TMEM178B: variants seen among roughly 807,000 people sequenced by gnomAD.
TMEM178B encodes the protein transmembrane protein 178B.
In TMEM178B, 5 loss-of-function variants were observed where a neutral mutation model predicts 31.0. The observed-to-expected ratio is 0.16, with a 90% CI of 0.08 to 0.34. The LOEUF (loss-of-function observed/expected upper bound fraction) is 0.34, where lower values mean the gene tolerates loss of function less well. TMEM178B is among the 10% of genes least tolerant of loss of function. TMEM178B has a pLI of 1.00. For synonymous variants in TMEM178B, 164 were observed against 164.0 expected, an observed-to-expected ratio of 1.00 and a Z score of 0.00; for missense variants, 275 against 400.3, an observed-to-expected ratio of 0.69 and a Z score of 2.67.
the TMEM178B span, among the ~76,000 whole-genome samples, chr7:141,493,663 G>T: frequency 6.6e-6 from 1 of 152,088 alleles, no homozygotes; most frequent in Non-Finnish European, 1.5e-5. Flanking sequence ...CTGCCCTGAC[G>T]TGAACATGAA....
At chr7:141,496,662 T>C in the TMEM178B span, among the ~76,000 whole-genome samples, 2 of 83,368 alleles carry the variant, frequency 2.4e-5, no homozygotes, top group East Asian at 3.6e-4. Context: ...AGAGCGAGAC[T>C]CCGTCTCAAA....
chr7:141,130,004 G>A (rs940506624), intron 1 of TMEM178B, among the ~76,000 whole-genome samples: 3 of 152,098 alleles, frequency 2.0e-5, no homozygotes, highest in African/African-American at 7.2e-5. Flanking sequence ...GTCTCATAGT[G>A]GCTGCCCTTA....
intron 2 of TMEM178B, among the ~76,000 whole-genome samples, chr7:141,382,694 A>T (rs1400295562): frequency 1.3e-5 from 2 of 152,234 alleles, no homozygotes; most frequent in Admixed American, 1.3e-4. Context: ...ATTTTAAAAA[A>T]TAATCACTTT....
At chr7:141,086,442 A>T (rs916569408) in intron 1 of TMEM178B, among the ~76,000 whole-genome samples, 2 of 152,236 alleles carry the variant, frequency 1.3e-5, no homozygotes, top group Non-Finnish European at 2.9e-5. Context: ...ATATTTCCAA[A>T]TGGATAAACA....
chr7:141,427,863 C>T (rs948239310), intron 2 of TMEM178B, among the ~76,000 whole-genome samples: 1 of 152,120 alleles, frequency 6.6e-6, no homozygotes, highest in African/African-American at 2.4e-5. Flanking sequence ...ATAAAACAAA[C>T]AAATAATTCA....
At chr7:141,386,109 T>C (rs1240471778) in intron 2 of TMEM178B, among the ~76,000 whole-genome samples, 1 of 152,228 alleles carries the variant, frequency 6.6e-6, no homozygotes, top group Non-Finnish European at 1.5e-5. Flanking sequence ...GCAGGTGGCC[T>C]CTAAAAAACA....
intron 3 of TMEM178B, among the ~76,000 whole-genome samples, chr7:141,462,424 A>T (rs757041564): frequency 1.3e-4 from 19 of 151,938 alleles, no homozygotes; most frequent in Non-Finnish European, 2.4e-4. Flanking sequence ...CAGTCGTGGG[A>T]GTTCAAGTCA....
intron 2 of TMEM178B, among the ~76,000 whole-genome samples, chr7:141,295,487 C>T (rs1327561574): frequency 6.6e-6 from 1 of 152,058 alleles, no homozygotes; most frequent in Non-Finnish European, 1.5e-5. Flanking sequence ...CAAGAGGATT[C>T]CTTATGAGGT....
chr7:141,282,063 G>A (rs894138972), intron 2 of TMEM178B, among the ~76,000 whole-genome samples: 1 of 152,192 alleles, frequency 6.6e-6, no homozygotes, highest in Non-Finnish European at 1.5e-5. Flanking sequence ...TGGTTTGGGT[G>A]AACAGTGCTA....
chr7:141,176,680 G>T (rs1225260203), intron 1 of TMEM178B, among the ~76,000 whole-genome samples: 1 of 152,152 alleles, frequency 6.6e-6, no homozygotes. Flanking sequence ...TCCTGGTTTA[G>T]TCTTGGGAGG....
intron 1 of TMEM178B, among the ~76,000 whole-genome samples, chr7:141,093,321 T>C (rs970599): frequency 0.24 from 35,767 of 152,082 alleles, 5,586 homozygotes; most frequent in African/African-American, 0.44. Flanking sequence ...AAGTCAAAGA[T>C]GGCACCAATA....
intron 2 of TMEM178B, among the ~76,000 whole-genome samples, chr7:141,359,092 C>T (rs1267364069): frequency 6.6e-6 from 1 of 152,130 alleles, no homozygotes; most frequent in South Asian, 2.1e-4. Flanking sequence ...AATGAACTAG[C>T]CCCAAGAAAT....
At chr7:141,509,567 A>G in the TMEM178B span, among the ~76,000 whole-genome samples, 2 of 152,076 alleles carry the variant, frequency 1.3e-5, no homozygotes, top group African/African-American at 4.8e-5. Flanking sequence ...GCAGAATCGC[A>G]TGAACCTGGG....
chr7:141,158,491 A>G (rs938053604), intron 1 of TMEM178B, among the ~76,000 whole-genome samples: 1 of 152,228 alleles, frequency 6.6e-6, no homozygotes, highest in Admixed American at 6.5e-5. Context: ...GATGTTGCTA[A>G]GAACACAATA....
intron 1 of TMEM178B, among the ~76,000 whole-genome samples, chr7:141,170,655 GCT>G (rs1796334141): frequency 6.6e-6 from 1 of 152,158 alleles, no homozygotes. Context: ...TCCCAGAATG[GCT>G]GCCACTAAGT....
At chr7:141,469,340 C>A (rs968275233) in intron 3 of TMEM178B, among the ~76,000 whole-genome samples, 1 of 152,160 alleles carries the variant, frequency 6.6e-6, no homozygotes, top group African/African-American at 2.4e-5. Context: ...TCAACTGTGG[C>A]CATTTAAATT....
intron 1 of TMEM178B, among the ~76,000 whole-genome samples, chr7:141,120,786 T>A (rs553256203): frequency 2.0e-5 from 3 of 150,634 alleles, no homozygotes; most frequent in African/African-American, 7.3e-5. Flanking sequence ...CAAGACCCTA[T>A]CTCTACAAAA....
At chr7:141,198,432 T>C (rs189025795) in intron 1 of TMEM178B, among the ~76,000 whole-genome samples, 10 of 152,374 alleles carry the variant, frequency 6.6e-5, no homozygotes, top group Admixed American at 5.9e-4. Context: ...ACAATCATTT[T>C]ACTTTTCTCT....
intron 2 of TMEM178B, among the ~76,000 whole-genome samples, chr7:141,293,229 A>G (rs1309665133): frequency 1.3e-5 from 2 of 152,114 alleles, no homozygotes; most frequent in Non-Finnish European, 1.5e-5. Flanking sequence ...GGGGACCCCT[A>G]GAAAAGGACC....
Sources: gnomAD v4.1 joint callset for allele counts (sites outside exome capture counted in the v4.1 genomes callset) on GRCh38, gnomAD v4.1.1 for gene constraint, MANE v1.5 for transcripts, NCBI Gene and HGNC (gene_info 2026-07-23, HGNC 2026-07-21) for gene names.